RFC1: variants seen among roughly 807,000 people sequenced by gnomAD.
RFC1 encodes the protein A1 140 kDa subunit.
Under a neutral mutation model 137.4 loss-of-function variants are expected in RFC1, and 37 were observed. The observed-to-expected ratio is 0.27, with a 90% CI of 0.21 to 0.35. RFC1 has a LOEUF of 0.35. RFC1 is among the 10% of genes least tolerant of loss of function. RFC1 has a pLI of 1.00. For synonymous variants in RFC1, 429 were observed against 455.7 expected (o/e 0.94, Z 0.75); for missense variants, 1,205 against 1,358.5 (o/e 0.89, Z 1.78).
chr4:39,321,429 TA>T, intron 7 of RFC1, 55 bp from the exon 8 acceptor site: 1 of 1,506,130 alleles, frequency 6.6e-7, no homozygotes, highest in Non-Finnish European at 9.2e-7. Flanking sequence ...ACTATTACCA[TA>T]AAATCTGTTG....
chr4:39,348,473 A>G (rs540138725), intron 2 of RFC1, among the ~76,000 whole-genome samples: 67 of 134,000 alleles, frequency 5.0e-4, no homozygotes, highest in Middle Eastern at 4.1e-3. Flanking sequence ...AGAAAAGAAA[A>G]GAAAAGAAAA....
intron 4 of RFC1, among the ~76,000 whole-genome samples, chr4:39,340,847 A>G (rs956334915): frequency 3.3e-5 from 5 of 152,212 alleles, no homozygotes; most frequent in African/African-American, 9.6e-5. Context: ...AATACTGAAC[A>G]CCATCTGAGA....
intron 1 of RFC1, among the ~76,000 whole-genome samples, chr4:39,364,251 C>G (rs764476032): frequency 3.3e-5 from 4 of 121,510 alleles, no homozygotes; most frequent in Non-Finnish European, 5.3e-5. Flanking sequence ...TCATACCCAA[C>G]GACACAGTCT....
intron 13 of RFC1, among the ~76,000 whole-genome samples, chr4:39,308,421 G>A (rs1738791148): frequency 6.6e-6 from 1 of 152,110 alleles, no homozygotes; most frequent in Non-Finnish European, 1.5e-5. Flanking sequence ...GGCTGGTTCA[G>A]ATATGCCTCC....
intron 1 of RFC1, among the ~76,000 whole-genome samples, chr4:39,355,096 A>ATACACACACACAC (rs59993299): frequency 2.1e-3 from 129 of 60,152 alleles, no homozygotes; most frequent in African/African-American, 5.6e-3. Flanking sequence ...AAAAAAAAAA[A>ATACACACACACAC]ATACACACAC....
intron 4 of RFC1, among the ~76,000 whole-genome samples, chr4:39,340,699 T>C (rs1440063388): frequency 1.3e-5 from 2 of 152,168 alleles, no homozygotes; most frequent in African/African-American, 4.8e-5. Flanking sequence ...TCTCATTCTC[T>C]TGTATGAAGG....
Position 39,308,914 on chromosome 4 carries a change from T to C in RFC1, c.1607A>G (p.Asp536Gly), listed in dbSNP as rs1241536139. Residue 536 changes from aspartate to glycine, a missense_variant, in exon 13 of 25, where the codon GAC (aspartate) becomes GGC (glycine). By Grantham distance (94) the Asp-to-Gly change is moderately conservative. Transcript: ENST00000349703. ...CTTTTTTATTGTCTTTGCCAAACTG[T>C]CCCTTTTGGAAGTCGGCCTGCTCTT... is the stretch of plus-strand genomic sequence containing the variant. ...SKKSRPTSKR[D>G]SLAKTIKKET... 1.2e-6 allele frequency: 2 copies of C among 1,614,080 alleles called. No homozygotes were observed. The highest frequency in any genetic ancestry group is 1.7e-6 in the Non-Finnish European group (2 of 1,180,036).
rs983421034 is a variant in RFC1 at position 39,287,926 on chromosome 4, T to A, written c.*835A>T. The A allele has an allele frequency of 6.6e-6, 1 of 152,188 alleles. No homozygotes were observed. The highest frequency in any genetic ancestry group is 1.5e-5 in the Non-Finnish European group (1 of 68,066). 9.4% of individuals were successfully genotyped at this position (152,188 alleles called of 1,614,324 possible). The stretch of plus-strand genomic sequence containing the variant: ...CTGATGGGTTGAGACTCCAGAAGGA[T>A]AAGAATGTCTGAGAATCTTCTGCAG... On this transcript the variant is annotated 3_prime_UTR_variant, in exon 25 of 25. Transcript: ENST00000349703.
chr4:39,351,780 G>A (rs899146959), intron 1 of RFC1, among the ~76,000 whole-genome samples: 1 of 151,990 alleles, frequency 6.6e-6, no homozygotes, highest in African/African-American at 2.4e-5. Context: ...TGGCCAACAT[G>A]GTGAAACCCC....
At position 39,365,546 on chromosome 4, in the gene RFC1, CTTGGGT is replaced by C. The variant is rs947700927; in HGVS notation, c.3+687_3+692del. On this transcript the variant is annotated intron_variant, in intron 1 of 24. Transcript: ENST00000349703. ...TTTTATCCAGAATTATGCAGTGAGG[CTTGGGT>C]TTTTTTCAGATTTTAAACATCAGGT... 3.1e-6 allele frequency: 3 copies of C among 960,034 alleles called. No individual in the cohort carries two copies. The African/African-American group carries it at 5.3e-5, about 17-fold the overall frequency. The allele number at this position is 960,034 out of a possible 1,614,324, so 59.5% of individuals were successfully genotyped here.
chr4:39,356,774 A>G (rs1303909040), intron 1 of RFC1, among the ~76,000 whole-genome samples: 1 of 152,226 alleles, frequency 6.6e-6, no homozygotes, highest in Non-Finnish European at 1.5e-5. Context: ...AGTCAAACTA[A>G]TAACTTTTTT....
intron 9 of RFC1, among the ~76,000 whole-genome samples, 162 bp downstream of exon 9, chr4:39,320,221 T>C (rs1739443490): frequency 6.6e-6 from 1 of 151,942 alleles, no homozygotes; most frequent in African/African-American, 2.4e-5. Context: ...TGGTGGCACA[T>C]GCCTGTAATC....
rs1387976484 is a variant in RFC1, at chr4:39,296,734, G to A, written c.2809-975C>T. ...ACATACATGTGCATGTGTCTTTATA[G>A]CAGCATGATTTATAGTCATTTGGGT... is the stretch of plus-strand genomic sequence containing the variant. On this transcript the variant is annotated intron_variant, in intron 21 of 24. Transcript: ENST00000349703. Among the ~76,000 whole-genome samples, 26 of 150,904 alleles carry A rather than the reference G, an allele frequency of 1.7e-4. No individual in the cohort carries two copies. The South Asian group carries it at 5.3e-3, about 31-fold the overall frequency.
chr4:39,351,356 C>T lies in RFC1; in HGVS notation c.124G>A (p.Glu42Lys), dbSNP rs1424206286. Reference sequence around the variant, plus strand: ...ATACCCAGAAAACTAACCTTGATTTCCTTTATTCCTTTCTTTGCTTTTAAA... The same window carrying T: ...ATACCCAGAAAACTAACCTTGATTTTCTTTATTCCTTTCTTTGCTTTTAAA... Reference protein sequence around the residue: ...ETLKAKKGIKEIKVNSSRKED... With the variant: ...ETLKAKKGIKKIKVNSSRKED... Residue 42 changes from glutamate to lysine, a missense_variant, in exon 2 of 25, where the codon GAA becomes AAA. Glu to Lys is a moderately conservative substitution (Grantham distance 56, BLOSUM62 1). Coordinates refer to ENST00000349703, the MANE Select transcript of RFC1 (RefSeq NM_002913.5). The T allele has an allele frequency of 2.0e-6, 3 of 1,525,444 alleles. No individual in the cohort carries two copies. In the African/African-American group the frequency reaches 4.3e-5, roughly 22 times the overall value. 94.5% of individuals were successfully genotyped at this position (1,525,444 alleles called of 1,614,324 possible).
chr4:39,338,790 AT>A (rs1211420232), intron 4 of RFC1, among the ~76,000 whole-genome samples: 2 of 152,302 alleles, frequency 1.3e-5, no homozygotes, highest in East Asian at 3.9e-4. Flanking sequence ...AAATGTACTA[AT>A]TTAGCAGGAA....
chr4:39,291,619 C>G lies in RFC1; in HGVS notation c.3168+20G>C. ...CTGGTAATAGAAAGTGACGAAGAAC[C>G]AGTGAGTGACATGATTTACCTTGGG... On this transcript the variant is annotated intron_variant, in intron 23 of 24. Coordinates refer to ENST00000349703, the MANE Select transcript of RFC1 (RefSeq NM_002913.5). 1 of 1,548,514 alleles carries G rather than the reference C, an allele frequency of 6.5e-7. No individual in the cohort carries two copies.
intron 13 of RFC1, among the ~76,000 whole-genome samples, chr4:39,308,090 C>T (rs756138420): frequency 3.3e-5 from 5 of 152,200 alleles, no homozygotes; most frequent in African/African-American, 4.8e-5. Context: ...CACAGCAAAT[C>T]GTGCTTGCTA....
At chr4:39,294,628 C>T (rs1317683051) in intron 22 of RFC1, among the ~76,000 whole-genome samples, 1 of 151,434 alleles carries the variant, frequency 6.6e-6, no homozygotes, top group East Asian at 1.9e-4. Flanking sequence ...CAAGATCACA[C>T]CACTGCACTC....
intron 18 of RFC1, 58 bp from the exon 19 acceptor site, chr4:39,302,434 CCTA>C: frequency 6.6e-7 from 1 of 1,510,414 alleles, no homozygotes; most frequent in South Asian, 1.1e-5. Flanking sequence ...GCTCCCCATC[CCTA>C]CAAGGTTGAA....
Sources: gnomAD v4.1 joint callset for allele counts (sites outside exome capture counted in the v4.1 genomes callset) on GRCh38, gnomAD v4.1.1 for gene constraint, MANE v1.5 for transcripts, NCBI Gene and HGNC (gene_info 2026-07-23, HGNC 2026-07-21) for gene names.